Variants in CBLB observed in about 807,000 individuals in gnomAD.
CBLB encodes E3 ubiquitin-protein ligase CBL-B.
A neutral mutation model predicts 104.9 loss-of-function variants in CBLB; 31 were observed. That is an observed-to-expected ratio of 0.30 (90% confidence interval 0.22 to 0.40). CBLB has a LOEUF of 0.40. Among genes scored for constraint, CBLB ranks in the 10% least tolerant of loss-of-function variants. The pLI is 1.00. For missense variants in CBLB, 1,062 were observed against 1,214.6 expected (o/e 0.87, Z 1.87); for synonymous variants, 440 against 422.6 (o/e 1.04, Z -0.51).
intron 3 of CBLB, among the ~76,000 whole-genome samples, chr3:105,851,278 C>A (rs1030364205): frequency 6.6e-6 from 1 of 152,094 alleles, no homozygotes; most frequent in Non-Finnish European, 1.5e-5. Flanking sequence ...AGAAGCCAAT[C>A]TGAAAAAGTT....
chr3:105,861,684 TACACACAC>T (rs147156324), intron 2 of CBLB, among the ~76,000 whole-genome samples: 2 of 145,016 alleles, frequency 1.4e-5, no homozygotes, highest in African/African-American at 2.5e-5. Flanking sequence ...TGTGCACACA[TACACACAC>T]ACACACACAC....
chr3:105,682,557 A>G (rs939041598), intron 14 of CBLB, among the ~76,000 whole-genome samples: 1 of 152,158 alleles, frequency 6.6e-6, no homozygotes, highest in African/African-American at 2.4e-5. Flanking sequence ...CAAAGGCTGG[A>G]GTGCAGTGGC....
intron 4 of CBLB, among the ~76,000 whole-genome samples, chr3:105,767,548 T>G (rs1163850587): frequency 5.1e-5 from 5 of 98,210 alleles, no homozygotes; most frequent in Non-Finnish European, 9.5e-5. Context: ...TTTTTAAAAT[T>G]TTTCTTTTTC....
chr3:105,795,826 C>T (rs1415216182), intron 3 of CBLB, among the ~76,000 whole-genome samples: 2 of 152,232 alleles, frequency 1.3e-5, no homozygotes, highest in African/African-American at 4.8e-5. Flanking sequence ...TCACTGCAAC[C>T]TCTGCCTCCC....
chr3:105,781,337 G>A (rs11919893), intron 3 of CBLB, among the ~76,000 whole-genome samples: 26,238 of 152,090 alleles, frequency 0.17, 2,652 homozygotes, highest in Admixed American at 0.28. Context: ...GAGCTTCACC[G>A]TTTATAAACA....
chr3:105,731,151 T>G (rs1435676378), intron 9 of CBLB, among the ~76,000 whole-genome samples: 1 of 152,184 alleles, frequency 6.6e-6, no homozygotes, highest in African/African-American at 2.4e-5. Context: ...ATAGACATGT[T>G]GTGGTGATGT....
At chr3:105,826,812 A>G (rs1007742640) in intron 3 of CBLB, among the ~76,000 whole-genome samples, 2 of 152,212 alleles carry the variant, frequency 1.3e-5, no homozygotes, top group African/African-American at 4.8e-5. Flanking sequence ...GGGATGTGGT[A>G]TTAGAGGATT....
intron 8 of CBLB, among the ~76,000 whole-genome samples, chr3:105,736,635 T>C (rs961707333): frequency 6.6e-6 from 1 of 152,164 alleles, no homozygotes; most frequent in Non-Finnish European, 1.5e-5. Context: ...TGTGCATGTG[T>C]AAGTGATATA....
chr3:105,662,655 T>C (rs746423809), intron 18 of CBLB, among the ~76,000 whole-genome samples: 13 of 152,190 alleles, frequency 8.5e-5, no homozygotes, highest in Non-Finnish European at 1.8e-4. Context: ...GAGTAAAATA[T>C]AAAGTTTGCA....
intron 6 of CBLB, among the ~76,000 whole-genome samples, chr3:105,742,748 C>T (rs547906004): frequency 7.7e-4 from 118 of 152,262 alleles, no homozygotes; most frequent in Non-Finnish European, 1.1e-3. Flanking sequence ...GCAAAGTTTA[C>T]AGTGTATTAA....
At chr3:105,771,487 C>T (rs1301728936) in intron 4 of CBLB, among the ~76,000 whole-genome samples, 2 of 152,028 alleles carry the variant, frequency 1.3e-5, no homozygotes, top group Non-Finnish European at 1.5e-5. Flanking sequence ...TAAAGATCCC[C>T]ACCTTCACCA....
chr3:105,780,349 A>G (rs533736320), intron 3 of CBLB, among the ~76,000 whole-genome samples: 25 of 152,094 alleles, frequency 1.6e-4, no homozygotes, highest in Non-Finnish European at 3.2e-4. Flanking sequence ...CCATCATTGT[A>G]AGACCTAAAA....
intron 12 of CBLB, among the ~76,000 whole-genome samples, chr3:105,695,210 A>G (rs1251174692): frequency 6.6e-6 from 1 of 151,886 alleles, no homozygotes; most frequent in Non-Finnish European, 1.5e-5. Context: ...AGCATCCAAC[A>G]TAGATAGATG....
intron 18 of CBLB, among the ~76,000 whole-genome samples, chr3:105,667,764 T>C (rs2064634500): frequency 6.6e-6 from 1 of 152,218 alleles, no homozygotes; most frequent in South Asian, 2.1e-4. Flanking sequence ...TAGAAGCCTA[T>C]TCATAAATGA....
intron 11 of CBLB, 139 bp from the exon 12 acceptor site, chr3:105,702,598 T>C (rs372453025): frequency 3.2e-5 from 28 of 865,882 alleles, no homozygotes; most frequent in African/African-American, 3.1e-4. Context: ...TCCTGTGCCA[T>C]CTTTTAATAA....
intron 12 of CBLB, among the ~76,000 whole-genome samples, chr3:105,698,597 C>A: frequency 2.7e-5 from 3 of 112,228 alleles, no homozygotes; most frequent in South Asian, 3.3e-4. Flanking sequence ...CAGTTTTTAC[C>A]ATTTGACCAA....
chr3:105,671,419 T>C (rs890423301), intron 17 of CBLB: 6 of 216,210 alleles, frequency 2.8e-5, no homozygotes, highest in Non-Finnish European at 5.6e-5. Context: ...ACATAGCACC[T>C]AGAACACTCT....
chr3:105,660,245 C>T (rs911669392), intron 18 of CBLB, among the ~76,000 whole-genome samples: 1 of 152,082 alleles, frequency 6.6e-6, no homozygotes, highest in Non-Finnish European at 1.5e-5. Context: ...AGTGCAATGG[C>T]GTAGTCTCAG....
chr3:105,805,291 T>C (rs1023149287), intron 3 of CBLB, among the ~76,000 whole-genome samples: 1 of 150,920 alleles, frequency 6.6e-6, no homozygotes, highest in Non-Finnish European at 1.5e-5. Context: ...CCTCAAAACA[T>C]ATGGCCCCCA....
Sources: gnomAD v4.1 joint callset for allele counts (sites outside exome capture counted in the v4.1 genomes callset) on GRCh38, gnomAD v4.1.1 for gene constraint, MANE v1.5 for transcripts, NCBI Gene and HGNC (gene_info 2026-07-23, HGNC 2026-07-21) for gene names.